Variants in ZMAT4 observed in about 807,000 individuals in gnomAD.
ZMAT4 encodes the protein zinc finger matrin-type 4.
Under a neutral mutation model 28.7 loss-of-function variants are expected in ZMAT4, and 17 were observed. The ratio of observed to expected loss-of-function variants is 0.59; its 90% CI spans 0.41 to 0.89. ZMAT4 has a LOEUF of 0.89. ZMAT4 is among the 40% of genes least tolerant of loss of function. The pLI, the probability that ZMAT4 is intolerant of heterozygous loss-of-function variation, is 0.00. For synonymous variants in ZMAT4, 117 were observed against 109.2 expected, an observed-to-expected ratio of 1.07 and a Z score of -0.44; for missense variants, 240 against 283.8, an observed-to-expected ratio of 0.85 and a Z score of 1.11.
At chr8:40,597,694 A>T (rs1199763368) in intron 5 of ZMAT4, among the ~76,000 whole-genome samples, 2 of 152,206 alleles carry the variant, frequency 1.3e-5, no homozygotes, top group Non-Finnish European at 2.9e-5. Context: ...TTGGTAACTC[A>T]TATCTCTGAG....
chr8:40,870,271 C>G (rs1292349836), intron 1 of ZMAT4, among the ~76,000 whole-genome samples: 1 of 152,196 alleles, frequency 6.6e-6, no homozygotes, highest in East Asian at 1.9e-4. Flanking sequence ...TGTGGCCTCC[C>G]CTGGAGGCTC....
intron 6 of ZMAT4, among the ~76,000 whole-genome samples, chr8:40,565,177 A>G (rs1345679949): frequency 6.6e-6 from 1 of 152,158 alleles, no homozygotes; most frequent in African/African-American, 2.4e-5. Context: ...TTCTTCCCTT[A>G]CTTAATAGCA....
chr8:40,545,950 T>TAAAAA (rs36053017), intron 6 of ZMAT4, among the ~76,000 whole-genome samples: 1 of 132,898 alleles, frequency 7.5e-6, no homozygotes, highest in Non-Finnish European at 1.6e-5. Context: ...TGAAGCCCAG[T>TAAAAA]AAAAAAAAAA....
chr8:40,665,327 T>A (rs1349196703), intron 5 of ZMAT4, among the ~76,000 whole-genome samples: 2 of 152,186 alleles, frequency 1.3e-5, no homozygotes, highest in African/African-American at 2.4e-5. Context: ...ACTACTTTCA[T>A]GATTTGAAGT....
At chr8:40,591,771 G>T (rs2118582567) in intron 5 of ZMAT4, among the ~76,000 whole-genome samples, 1 of 152,292 alleles carries the variant, frequency 6.6e-6, no homozygotes, top group South Asian at 2.1e-4. Context: ...AGAGAAGAAA[G>T]CTTTCCTAAG....
At chr8:40,745,590 C>A (rs1482650779) in intron 3 of ZMAT4, among the ~76,000 whole-genome samples, 1 of 152,100 alleles carries the variant, frequency 6.6e-6, no homozygotes. Context: ...GGGTGAAGAT[C>A]CTGTTAGAAA....
At chr8:40,760,569 G>GA (rs767353474) in intron 3 of ZMAT4, among the ~76,000 whole-genome samples, 5 of 152,118 alleles carry the variant, frequency 3.3e-5, no homozygotes, top group Admixed American at 6.5e-5. Flanking sequence ...AAAGAAGTCA[G>GA]AAAAAACAAA....
At chr8:40,660,958 T>C (rs1218364169) in intron 5 of ZMAT4, among the ~76,000 whole-genome samples, 2 of 152,230 alleles carry the variant, frequency 1.3e-5, no homozygotes. Flanking sequence ...AGAAAGCATG[T>C]CTTTTTTTAG....
chr8:40,862,031 A>G (rs990770169), intron 1 of ZMAT4, among the ~76,000 whole-genome samples: 6 of 152,212 alleles, frequency 3.9e-5, no homozygotes, highest in African/African-American at 1.4e-4. Context: ...CAGGATCTAG[A>G]ACTAGAAATA....
Position 40,848,703 on chromosome 8 carries a change from A to G in ZMAT4, c.-4-23023T>C, listed in dbSNP as rs185429668. Among the ~76,000 whole-genome samples the G allele has an allele frequency of 2.6e-3, 394 of 152,318 alleles. 1 individual carries two copies. Among genetic ancestry groups the G allele is most frequent in the Non-Finnish European group, 3.6e-3 (244 of 68,026 alleles). On this transcript the variant is annotated intron_variant, in intron 1 of 6. Transcript: ENST00000297737. ...GAGAAAAAAATATAAAAAGTACCCA[A>G]TGGTTCTTGGTGCATAGTAGGAATT...
intron 5 of ZMAT4, among the ~76,000 whole-genome samples, chr8:40,663,768 C>A (rs956715986): frequency 1.3e-5 from 2 of 152,190 alleles, no homozygotes; most frequent in Admixed American, 1.3e-4. Flanking sequence ...CACCTCTTCA[C>A]TAACATTTAA....
At chr8:40,789,000 G>A (rs893410810) in intron 2 of ZMAT4, among the ~76,000 whole-genome samples, 5 of 132,438 alleles carry the variant, frequency 3.8e-5, no homozygotes, top group Non-Finnish European at 6.5e-5. Context: ...AGGGAGGGAG[G>A]GAGGAAGGAA....
In ZMAT4 at chr8:40,779,454, G is replaced by A. The variant is rs1406604557; in HGVS notation, c.103-11724C>T. On this transcript the variant is annotated intron_variant, in intron 2 of 6. Transcript: ENST00000297737. The stretch of plus-strand genomic sequence containing the variant: ...AAGCCAGAGAGAAACACAGGCAGAG[G>A]TTTACATTTCTAGAGGTGAGGGCAC... 2.6e-5 allele frequency among the ~76,000 whole-genome samples: 4 copies of A among 152,086 alleles called. No homozygotes were observed. The East Asian group carries it at 7.8e-4, about 30-fold the overall frequency.
intron 5 of ZMAT4, among the ~76,000 whole-genome samples, chr8:40,610,549 A>G (rs932978829): frequency 1.3e-5 from 2 of 152,294 alleles, no homozygotes; most frequent in South Asian, 4.1e-4. Context: ...CGTGATTGTC[A>G]TGGAACCACT....
intron 4 of ZMAT4, among the ~76,000 whole-genome samples, chr8:40,686,635 T>TA (rs1249022451): frequency 1.3e-5 from 2 of 151,512 alleles, no homozygotes; most frequent in Non-Finnish European, 2.9e-5. Flanking sequence ...CTCTACAAAT[T>TA]AAAAAAAAGT....
At chr8:40,712,301 C>T (rs879834209) in intron 3 of ZMAT4, among the ~76,000 whole-genome samples, 6 of 152,174 alleles carry the variant, frequency 3.9e-5, no homozygotes, top group Non-Finnish European at 8.8e-5. Flanking sequence ...GAATAAGCTA[C>T]TGTTTTTATT....
intron 6 of ZMAT4, among the ~76,000 whole-genome samples, chr8:40,580,583 G>T (rs546362555): frequency 6.6e-6 from 1 of 152,228 alleles, no homozygotes; most frequent in Non-Finnish European, 1.5e-5. Context: ...TTTTTAAAGA[G>T]CTGCATAGTA....
chr8:40,617,056 G>C (rs529000440), intron 5 of ZMAT4, among the ~76,000 whole-genome samples: 3 of 152,114 alleles, frequency 2.0e-5, no homozygotes, highest in African/African-American at 7.2e-5. Context: ...TAGACCCTGA[G>C]CTTTGAGAAG....
At chr8:40,877,710 A>AGAGACAGAGAGAGACGGAGTAGG (rs1491244492) in intron 1 of ZMAT4, among the ~76,000 whole-genome samples, 16 of 152,320 alleles carry the variant, frequency 1.1e-4, no homozygotes, top group Admixed American at 2.0e-4. Context: ...AGAGGGAAAC[A>AGAGACAGAGAGAGACGGAGTAGG]GAGACAGAGA....
Sources: gnomAD v4.1 joint callset for allele counts (sites outside exome capture counted in the v4.1 genomes callset) on GRCh38, gnomAD v4.1.1 for gene constraint, MANE v1.5 for transcripts, NCBI Gene and HGNC (gene_info 2026-07-23, HGNC 2026-07-21) for gene names.